The following DCX variants were observed in gnomAD, a reference collection of about 807,000 sequenced individuals.
The protein encoded by DCX is neuronal migration protein doublecortin.
A neutral mutation model predicts 20.9 loss-of-function variants in DCX; 4 were observed. That is an observed-to-expected ratio of 0.19 (90% CI 0.09 to 0.44). DCX has a LOEUF of 0.44. DCX is among the 20% of genes least tolerant of loss of function. DCX has a pLI of 0.99. For synonymous variants in DCX, 103 were observed against 111.4 expected (o/e 0.92, Z 0.47); for missense variants, 133 against 296.9 (o/e 0.45, Z 4.06).
chrX:111,406,733 AG>A (rs779255438), intron 2 of DCX, among the ~76,000 whole-genome samples: 2 of 112,488 alleles, frequency 1.8e-5, no homozygotes, highest in African/African-American at 3.2e-5. Flanking sequence ...TGCGCAGAAT[AG>A]GCAAATATGT....
At chrX:111,407,931 T>C (rs1390727954) in intron 2 of DCX, among the ~76,000 whole-genome samples, 1 of 111,130 alleles carries the variant, frequency 9.0e-6, no homozygotes, top group Non-Finnish European at 1.9e-5. Context: ...AATATTCTAA[T>C]ACTTGGTCTG....
chrX:111,393,999 C>T (rs200374358), intron 3 of DCX, among the ~76,000 whole-genome samples: 1 of 111,237 alleles, frequency 9.0e-6, no homozygotes, highest in East Asian at 2.8e-4. Context: ...GATATTTACC[C>T]GAGATAAATG....
intron 3 of DCX, among the ~76,000 whole-genome samples, chrX:111,364,763 T>C (rs1176859643): frequency 8.9e-6 from 1 of 112,153 alleles, no homozygotes; most frequent in African/African-American, 3.2e-5. Flanking sequence ...AATATACGTG[T>C]AAATGCATAG....
chrX:111,391,205 T>G (rs896818571), intron 3 of DCX, among the ~76,000 whole-genome samples: 1 of 110,279 alleles, frequency 9.1e-6, no homozygotes, highest in African/African-American at 3.3e-5. Context: ...GAGTGAGTTC[T>G]CATGAGATCT....
chrX:111,336,343 G>A (rs1010296430), intron 3 of DCX, among the ~76,000 whole-genome samples: 2 of 112,453 alleles, frequency 1.8e-5, no homozygotes, highest in African/African-American at 3.2e-5. Context: ...AAAGTCCCCT[G>A]TGCTTCTGAC....
At chrX:111,316,090 A>AAAT (rs1569486381) in intron 5 of DCX, among the ~76,000 whole-genome samples, 1,166 of 82,750 alleles carry the variant, frequency 0.014, 25 homozygotes, top group African/African-American at 0.08. Flanking sequence ...AAAAAATAAA[A>AAAT]AAAAAAAAAA....
At chrX:111,368,018 G>A (rs780028008) in intron 3 of DCX, among the ~76,000 whole-genome samples, 3 of 111,357 alleles carry the variant, frequency 2.7e-5, no homozygotes, top group South Asian at 7.8e-4. Flanking sequence ...CACAGGCTGC[G>A]GGGTGGAAGA....
intron 2 of DCX, among the ~76,000 whole-genome samples, chrX:111,402,374 A>G (rs747362831): frequency 8.9e-6 from 1 of 111,978 alleles, no homozygotes; most frequent in East Asian, 2.8e-4. Flanking sequence ...CAGCCTGGGG[A>G]AGAGAATACT....
intron 5 of DCX, among the ~76,000 whole-genome samples, chrX:111,314,883 C>CATCTACAACAAACCTATA (rs1569486217): frequency 9.1e-6 from 1 of 110,183 alleles, no homozygotes; most frequent in African/African-American, 3.4e-5. Context: ...TGTTAAGGGT[C>CATCTACAACAAACCTATA]GCAAAAATTT....
At chrX:111,348,246 C>G (rs754672821) in intron 3 of DCX, among the ~76,000 whole-genome samples, 1 of 111,823 alleles carries the variant, frequency 8.9e-6, no homozygotes, top group Non-Finnish European at 1.9e-5. Flanking sequence ...TAAGGAAAAA[C>G]AGCAGGAGAC....
At chrX:111,366,952 A>G (rs1317644532) in intron 3 of DCX, among the ~76,000 whole-genome samples, 5 of 111,891 alleles carry the variant, frequency 4.5e-5, no homozygotes, top group Non-Finnish European at 7.5e-5. Context: ...GGAGAATGAG[A>G]ATAGTATCGT....
At chrX:111,302,478 T>C (rs992709695) in intron 6 of DCX, among the ~76,000 whole-genome samples, 2 of 112,061 alleles carry the variant, frequency 1.8e-5, no homozygotes, top group African/African-American at 6.5e-5. Flanking sequence ...AGGAGTAAAA[T>C]TGCTGAGTCA....
intron 5 of DCX, among the ~76,000 whole-genome samples, chrX:111,322,854 A>T (rs2095089933): frequency 8.9e-6 from 1 of 112,376 alleles, no homozygotes; most frequent in Non-Finnish European, 1.9e-5. Context: ...TGGAATTTGA[A>T]TTTTAAATAT....
At chrX:111,308,000 G>T (rs1431885264) in intron 6 of DCX, among the ~76,000 whole-genome samples, 1 of 111,757 alleles carries the variant, frequency 8.9e-6, no homozygotes, top group African/African-American at 3.3e-5. Context: ...ATAGAACTAG[G>T]CCTAATTATG....
chrX:111,369,675 A>G (rs1254308632), intron 3 of DCX, among the ~76,000 whole-genome samples: 1 of 112,031 alleles, frequency 8.9e-6, no homozygotes, highest in African/African-American at 3.2e-5. Flanking sequence ...CATATTTCCA[A>G]GAGTCAAAGG....
At chrX:111,388,640 TA>T (rs1036854118) in intron 3 of DCX, among the ~76,000 whole-genome samples, 2 of 112,330 alleles carry the variant, frequency 1.8e-5, no homozygotes, top group African/African-American at 6.5e-5. Flanking sequence ...GCAATGTTAC[TA>T]AACTTATTTG....
At chrX:111,376,817 C>T (rs138766197) in intron 3 of DCX, among the ~76,000 whole-genome samples, 1 of 112,032 alleles carries the variant, frequency 8.9e-6, no homozygotes, top group Non-Finnish European at 1.9e-5. Flanking sequence ...GTTTCTATTA[C>T]TCTTTTGGTA....
intron 5 of DCX, among the ~76,000 whole-genome samples, chrX:111,316,666 A>C (rs1010737742): frequency 1.1e-4 from 12 of 111,859 alleles, no homozygotes; most frequent in African/African-American, 3.9e-4. Context: ...TTCTATATCT[A>C]GAAAACCCCA....
At chrX:111,344,418 G>A (rs1922597145) in intron 3 of DCX, among the ~76,000 whole-genome samples, 3 of 111,553 alleles carry the variant, frequency 2.7e-5, no homozygotes, top group Admixed American at 1.9e-4. Context: ...TAAATAAACG[G>A]TATTCAAGTA....
Sources: gnomAD v4.1 joint callset for allele counts (sites outside exome capture counted in the v4.1 genomes callset) on GRCh38, gnomAD v4.1.1 for gene constraint, MANE v1.5 for transcripts, NCBI Gene and HGNC (gene_info 2026-07-23, HGNC 2026-07-21) for gene names.